The following IGF2BP1 variants were observed in gnomAD, a reference collection of about 807,000 sequenced individuals.
IGF2BP1 encodes the protein insulin-like growth factor 2 mRNA-binding protein 1.
A neutral mutation model predicts 74.9 loss-of-function variants in IGF2BP1; 11 were observed. The observed-to-expected ratio is 0.15, with a 90% confidence interval of 0.09 to 0.24. The LOEUF is 0.24. IGF2BP1 is among the 10% of genes least tolerant of loss of function. The pLI is 1.00. For synonymous variants in IGF2BP1, 287 were observed against 281.8 expected (o/e 1.02, Z -0.18); for missense variants, 440 against 757.4 (o/e 0.58, Z 4.92).
intron 5 of IGF2BP1, chr17:49,037,252 GA>G: frequency 2.2e-6 from 1 of 450,280 alleles, no homozygotes; most frequent in South Asian, 2.2e-5. Flanking sequence ...AAGAACTCTG[GA>G]ACCCTTACGG....
intron 3 of IGF2BP1, 185 bp from the exon 4 acceptor site, chr17:49,026,281 C>T: frequency 1.8e-6 from 1 of 567,738 alleles, no homozygotes; most frequent in Non-Finnish European, 3.2e-6. Context: ...CTTAAGTACA[C>T]TCCTGCAAAG....
rs747493051 is a variant in IGF2BP1, at chr17:49,043,496, A to C, written c.1146A>C (p.Ala382=). 6 of 1,614,128 alleles carry C rather than the reference A, an allele frequency of 3.7e-6. No individual in the cohort carries two copies. The Admixed American group carries it at 1.0e-4, about 27-fold the overall frequency. Residue 382 remains alanine, a synonymous_variant, in exon 10 of 15, where the codon GCA becomes GCC. Transcript: ENST00000290341. ...AVGLFPASSS[A]VPPPPSSVTG... ...GTCTTTTCCCAGCTTCATCCAGCGC[A>C]GTCCCGCCGCCTCCCAGCAGCGTTA...
rs1174387337 is a variant in IGF2BP1 at position 49,026,463 on chromosome 17, T to C, written c.286-3T>C. 6.2e-7 allele frequency: 1 copy of C among 1,613,800 alleles called. No individual in the cohort carries two copies. The highest frequency in any genetic ancestry group is 1.3e-5 in the African/African-American group (1 of 75,008). On this transcript the variant is annotated splice_polypyrimidine_tract_variant and splice_region_variant and intron_variant, in intron 3 of 14. Transcript: ENST00000290341. ...AGTGTACTTCCCTTCTCCATTCTCC[T>C]AGGTACTGGACAGCCTGCTGGCTCA... is the stretch of plus-strand genomic sequence containing the variant.
At chr17:49,004,517 T>C (rs2041525307) in intron 2 of IGF2BP1, 1 of 152,244 alleles carries the variant, frequency 6.6e-6, no homozygotes, top group African/African-American at 2.4e-5. Flanking sequence ...GGTCTTGGCC[T>C]GAGAAATAGA....
intron 8 of IGF2BP1, 107 bp from the exon 9 acceptor site, chr17:49,042,135 C>A: frequency 2.1e-6 from 3 of 1,426,068 alleles, no homozygotes; most frequent in Non-Finnish European, 1.9e-6. Context: ...GTTGAATAGG[C>A]TGCAGAAATG....
chr17:49,026,336 G>C (rs1341583781), intron 3 of IGF2BP1, 130 bp from the exon 4 acceptor site: 8 of 764,722 alleles, frequency 1.0e-5, no homozygotes, highest in Non-Finnish European at 1.8e-5. Flanking sequence ...CACTGGACAG[G>C]TAATAATGCT....
intron 13 of IGF2BP1, 46 bp from the exon 14 acceptor site, chr17:49,046,214 C>A: frequency 1.3e-6 from 2 of 1,546,330 alleles, no homozygotes; most frequent in Non-Finnish European, 1.8e-6. Context: ...CAACCCCACC[C>A]ATGCTTTCTT....
intron 2 of IGF2BP1, among the ~76,000 whole-genome samples, chr17:49,008,560 G>A (rs985044559): frequency 1.3e-5 from 2 of 152,146 alleles, no homozygotes; most frequent in Admixed American, 6.5e-5. Context: ...GATAATCTTT[G>A]TTCCACTCTT....
intron 2 of IGF2BP1, among the ~76,000 whole-genome samples, chr17:49,008,873 CATT>C (rs1368190222): frequency 6.6e-6 from 1 of 151,770 alleles, no homozygotes; most frequent in Non-Finnish European, 1.5e-5. Context: ...CTGATGTATT[CATT>C]CATGCATGCA....
intron 2 of IGF2BP1, among the ~76,000 whole-genome samples, chr17:49,012,081 CT>C (rs944825032): frequency 6.6e-6 from 1 of 151,834 alleles, no homozygotes; most frequent in African/African-American, 2.4e-5. Context: ...AATTTTTGTA[CT>C]TTTAGTAGAG....
At chr17:49,000,022 ATACT>A (rs1278792519) in intron 2 of IGF2BP1, among the ~76,000 whole-genome samples, 1 of 151,800 alleles carries the variant, frequency 6.6e-6, no homozygotes, top group Non-Finnish European at 1.5e-5. Context: ...TACCTCCATC[ATACT>A]TACCGAGAAT....
intron 2 of IGF2BP1, among the ~76,000 whole-genome samples, chr17:49,009,403 A>T (rs2041588582): frequency 6.6e-6 from 1 of 151,488 alleles, no homozygotes; most frequent in Non-Finnish European, 1.5e-5. Context: ...TATCCTTGGT[A>T]TTTTTTTTAA....
chr17:48,998,011 C>T, intron 1 of IGF2BP1, 91 bp downstream of exon 1: 1 of 1,455,834 alleles, frequency 6.9e-7, no homozygotes, highest in Non-Finnish European at 9.4e-7. Context: ...GCCAACTCCT[C>T]TCTTCCCGGG....
chr17:49,023,190 G>C (rs1282480178), intron 2 of IGF2BP1, among the ~76,000 whole-genome samples: 1 of 152,180 alleles, frequency 6.6e-6, no homozygotes, highest in Non-Finnish European at 1.5e-5. Context: ...TCACAAAAAG[G>C]TGGTCTGATG....
rs761515792 is a variant in IGF2BP1, at chr17:49,041,468, G to A, written c.909G>A (p.Glu303=). Reference sequence around the variant, plus strand: ...AAGGACGGAACCTGAAGAAGGTAGAGCAAGATACCGAGACAAAAATCACCA... The same window carrying A: ...AAGGACGGAACCTGAAGAAGGTAGAACAAGATACCGAGACAAAAATCACCA... The part of the protein sequence containing the change: ...GKEGRNLKKV[E]QDTETKITIS... The change falls in exon 8 of 15, where the codon GAG becomes GAA. Residue 303 remains glutamate (E), a synonymous_variant. Transcript: ENST00000290341. 35 of 1,613,980 alleles carry A rather than the reference G, an allele frequency of 2.2e-5. No homozygotes were observed. Among genetic ancestry groups the A allele is most frequent in the Non-Finnish European group, 2.7e-5 (32 of 1,180,026 alleles).
intron 1 of IGF2BP1, 102 bp downstream of exon 1, chr17:48,998,022 C>A (rs1567805790): frequency 2.2e-6 from 3 of 1,392,044 alleles, no homozygotes; most frequent in Non-Finnish European, 2.0e-6. Flanking sequence ...TCTTCCCGGG[C>A]CTGCGGGGTT....
intron 2 of IGF2BP1, among the ~76,000 whole-genome samples, chr17:49,003,957 C>A (rs1228078436): frequency 6.6e-6 from 1 of 152,124 alleles, no homozygotes; most frequent in Non-Finnish European, 1.5e-5. Flanking sequence ...CCGGCCTTCC[C>A]TTCCCCTTTC....
At chr17:49,017,536 AGATT>A (rs1384824272) in intron 2 of IGF2BP1, among the ~76,000 whole-genome samples, 2 of 152,298 alleles carry the variant, frequency 1.3e-5, no homozygotes, top group African/African-American at 4.8e-5. Context: ...ATTATTAAAG[AGATT>A]GCTTTTTGGA....
chr17:49,033,087 C>A (rs974411608), intron 5 of IGF2BP1, among the ~76,000 whole-genome samples: 5 of 152,198 alleles, frequency 3.3e-5, no homozygotes, highest in Non-Finnish European at 5.9e-5. Flanking sequence ...GCTGGGATTA[C>A]AAGCTTCAGC....
Sources: gnomAD v4.1 joint callset for allele counts (sites outside exome capture counted in the v4.1 genomes callset) on GRCh38, gnomAD v4.1.1 for gene constraint, MANE v1.5 for transcripts, NCBI Gene and HGNC (gene_info 2026-07-23, HGNC 2026-07-21) for gene names.